The following DPY19L2 variants were observed in gnomAD, a reference collection of about 807,000 sequenced individuals.
DPY19L2 encodes the protein probable C-mannosyltransferase DPY19L2.
DPY19L2 carries 34 observed loss-of-function variants against 97.9 expected under a neutral mutation model. The observed-to-expected ratio is 0.35, with a 90% CI of 0.26 to 0.46. The LOEUF (loss-of-function observed/expected upper bound fraction) is 0.46. Ranked by LOEUF, DPY19L2 falls within the 20% of genes least tolerant of loss-of-function variation. The pLI, the probability that DPY19L2 is intolerant of heterozygous loss-of-function variation, is 1.00. For synonymous variants in DPY19L2, 230 were observed against 307.9 expected, an observed-to-expected ratio of 0.75 and a Z score of 2.65; for missense variants, 623 against 911.4, an observed-to-expected ratio of 0.68 and a Z score of 4.07.
At chr12:63,588,465 C>T (rs1425861362) in intron 16 of DPY19L2, among the ~76,000 whole-genome samples, 2 of 152,068 alleles carry the variant, frequency 1.3e-5, no homozygotes, top group African/African-American at 2.4e-5. Context: ...GAATGTTATA[C>T]TTATAGTCCA....
intron 6 of DPY19L2, among the ~76,000 whole-genome samples, chr12:63,638,204 T>C (rs1444338518): frequency 3.9e-5 from 6 of 152,292 alleles, no homozygotes; most frequent in South Asian, 2.1e-4. Flanking sequence ...TGATGGGATG[T>C]ATCTCAAAAT....
At position 63,639,339 on chromosome 12, in the gene DPY19L2, A is replaced by T. The variant is rs1892296693; in HGVS notation, c.803+5064T>A. Reference sequence around the variant, plus strand: ...AAAAGAAATGGCAACAAAAGCCAAAATTGACAAATGGGATCTAATTAAACT... The same window carrying T: ...AAAAGAAATGGCAACAAAAGCCAAATTTGACAAATGGGATCTAATTAAACT... On this transcript the variant is annotated intron_variant, in intron 6 of 21. Coordinates refer to ENST00000324472, the MANE Select transcript of DPY19L2 (RefSeq NM_173812.5). Among the ~76,000 whole-genome samples, 2 of 152,228 alleles carry T rather than the reference A, an allele frequency of 1.3e-5. 1 individual carries two copies. Among genetic ancestry groups the T allele is most frequent in the Admixed American group, 1.3e-4 (2 of 15,280 alleles).
intron 6 of DPY19L2, among the ~76,000 whole-genome samples, chr12:63,631,763 A>C (rs1234855572): frequency 6.6e-6 from 1 of 152,162 alleles, no homozygotes; most frequent in Non-Finnish European, 1.5e-5. Context: ...CACAACAAAA[A>C]AAGAGAATTT....
chr12:63,582,459 T>C lies in DPY19L2; in HGVS notation c.1672A>G (p.Met558Val). The C allele has an allele frequency of 6.2e-7, 1 of 1,613,648 alleles. No individual in the cohort carries two copies. The change falls in exon 18 of 22, where the codon ATG becomes GTG. Residue 558 changes from methionine (M) to valine (V), a missense_variant. Physicochemically the swap from Met to Val is conservative, Grantham distance 21. Coordinates refer to ENST00000324472, the MANE Select transcript of DPY19L2 (RefSeq NM_173812.5). ...ACACACATGTGCGGTGTCAAAAACA[T>C]CTTTAGCCTCATAATTAAAATGGCA... ...ALAILIMRLK[M>V]FLTPHMCVMA...
At chr12:63,562,912 C>T (rs1490394387) in intron 21 of DPY19L2, among the ~76,000 whole-genome samples, 4 of 151,864 alleles carry the variant, frequency 2.6e-5, no homozygotes, top group Non-Finnish European at 5.9e-5. Context: ...TATCCTGCTT[C>T]AGCCTCCCGA....
intron 19 of DPY19L2, among the ~76,000 whole-genome samples, chr12:63,575,468 A>G (rs1365841637): frequency 1.3e-5 from 2 of 151,864 alleles, no homozygotes. Flanking sequence ...TAAAGATCAG[A>G]GCAGAAATAA....
chr12:63,631,426 C>T (rs1890618473), intron 6 of DPY19L2, among the ~76,000 whole-genome samples: 1 of 152,094 alleles, frequency 6.6e-6, no homozygotes, highest in African/African-American at 2.4e-5. Context: ...TCAGAGAATA[C>T]TATAAACACC....
At chr12:63,645,758 C>T (rs1256825031) in intron 5 of DPY19L2, among the ~76,000 whole-genome samples, 2 of 152,190 alleles carry the variant, frequency 1.3e-5, no homozygotes, top group Non-Finnish European at 2.9e-5. Context: ...GGCATTTCCA[C>T]ATTATCTTTC....
At chr12:63,604,767 T>C (rs1357407081) in intron 12 of DPY19L2, among the ~76,000 whole-genome samples, 1 of 152,170 alleles carries the variant, frequency 6.6e-6, no homozygotes, top group Non-Finnish European at 1.5e-5. Context: ...AAACTGCTCA[T>C]TGAAGTGTTT....
chr12:63,605,743 A>G (rs1024009069), intron 12 of DPY19L2, among the ~76,000 whole-genome samples: 1 of 152,154 alleles, frequency 6.6e-6, no homozygotes, highest in Non-Finnish European at 1.5e-5. Context: ...TCAAAAAGAC[A>G]TCCAGCTTAG....
chr12:63,637,244 A>C (rs1381669136), intron 6 of DPY19L2, among the ~76,000 whole-genome samples: 1 of 152,192 alleles, frequency 6.6e-6, no homozygotes, highest in Non-Finnish European at 1.5e-5. Flanking sequence ...CAATGAGAAC[A>C]AAGATACAAC....
At chr12:63,583,695 C>G in intron 17 of DPY19L2, 117 bp downstream of exon 17, 1 of 878,436 alleles carries the variant, frequency 1.1e-6, no homozygotes, top group Non-Finnish European at 1.8e-6. Context: ...AATTTATCAC[C>G]AATGCTGAAC....
chr12:63,608,919 C>A (rs1444596197), intron 11 of DPY19L2, among the ~76,000 whole-genome samples: 4 of 152,038 alleles, frequency 2.6e-5, no homozygotes, highest in Admixed American at 6.6e-5. Flanking sequence ...AATACCCTGA[C>A]CATTTTCTGC....
intron 21 of DPY19L2, among the ~76,000 whole-genome samples, chr12:63,566,061 T>C (rs1277607895): frequency 6.6e-6 from 1 of 152,122 alleles, no homozygotes; most frequent in East Asian, 1.9e-4. Flanking sequence ...TCAGCCAATA[T>C]ACATATCTGT....
At chr12:63,649,721 G>A (rs923057118) in intron 4 of DPY19L2, among the ~76,000 whole-genome samples, 3 of 152,234 alleles carry the variant, frequency 2.0e-5, no homozygotes, top group Admixed American at 6.5e-5. Context: ...TGGAACAGAT[G>A]ACTTCACAGC....
intron 16 of DPY19L2, among the ~76,000 whole-genome samples, chr12:63,590,192 TAAAC>T (rs936371341): frequency 3.3e-5 from 5 of 151,750 alleles, no homozygotes; most frequent in African/African-American, 1.2e-4. Context: ...AGAAACATAG[TAAAC>T]AAACACATGA....
intron 6 of DPY19L2, among the ~76,000 whole-genome samples, chr12:63,641,619 C>CATGTTGT (rs1402466875): frequency 6.6e-6 from 1 of 151,816 alleles, no homozygotes; most frequent in East Asian, 1.9e-4. Context: ...AAGATTCAAC[C>CATGTTGT]ATGTTGTGTG....
rs561063241 is a variant in DPY19L2, at chr12:63,658,096, G to A, written c.588+3248C>T. Among the ~76,000 whole-genome samples the A allele has an allele frequency of 1.1e-3, 164 of 152,144 alleles. 1 individual carries two copies. Among genetic ancestry groups the A allele is most frequent in the African/African-American group, 3.8e-3 (158 of 41,498 alleles). On this transcript the variant is annotated intron_variant, in intron 4 of 21. Transcript: ENST00000324472. ...GAGTGCCATCATTCCAGCTCTCTTC[G>A]TCACCAAATTGACACCTGAAGCCTC... is the stretch of plus-strand genomic sequence containing the variant.
rs1255937841 is a variant in DPY19L2, at chr12:63,567,492, TTC to T, written c.2126+1730_2126+1731del. Among the ~76,000 whole-genome samples the T allele has an allele frequency of 1.6e-4, 24 of 152,092 alleles. 1 individual carries two copies. The highest frequency in any genetic ancestry group is 2.9e-5 in the Non-Finnish European group (2 of 67,958). The stretch of plus-strand genomic sequence containing the variant: ...TTTTTGTGCTACATGTATATTTAAT[TTC>T]TGTCATAAACTAAAAAATATAATGG... On this transcript the variant is annotated intron_variant, in intron 21 of 21. Coordinates refer to ENST00000324472, the MANE Select transcript of DPY19L2 (RefSeq NM_173812.5).
Sources: allele counts gnomAD v4.1 joint callset (sites outside exome capture counted in the v4.1 genomes callset), GRCh38; gene constraint gnomAD v4.1.1; transcripts MANE v1.5; gene names NCBI Gene and HGNC (gene_info 2026-07-23, HGNC 2026-07-21).